The following STK32B variants were observed in gnomAD, a reference collection of about 807,000 sequenced individuals.
STK32B encodes serine/threonine-protein kinase 32B.
STK32B carries 43 observed loss-of-function variants against 52.6 expected under a neutral mutation model. That is an observed-to-expected ratio of 0.82 (90% CI 0.64 to 1.05). The LOEUF (loss-of-function observed/expected upper bound fraction) is 1.05. Ranked by LOEUF, STK32B falls within the 50% of genes least tolerant of loss-of-function variation. The pLI, the probability that STK32B is intolerant of heterozygous loss-of-function variation, is 0.00. For missense variants in STK32B, 621 were observed against 534.6 expected (o/e 1.16, Z -1.59); for synonymous variants, 238 against 204.3 (o/e 1.17, Z -1.41).
At chr4:5,368,292 T>C (rs1444447962) in intron 4 of STK32B, among the ~76,000 whole-genome samples, 1 of 129,216 alleles carries the variant, frequency 7.7e-6, no homozygotes, top group East Asian at 2.2e-4. Flanking sequence ...AGGTCTACTA[T>C]TATTCCTAAT....
intron 6 of STK32B, among the ~76,000 whole-genome samples, chr4:5,421,733 C>T (rs1439489148): frequency 1.3e-5 from 2 of 152,228 alleles, no homozygotes; most frequent in East Asian, 3.9e-4. Flanking sequence ...CTCCATGGCC[C>T]TGCTTTCAAA....
chr4:5,087,924 G>T (rs1338697944), intron 1 of STK32B, among the ~76,000 whole-genome samples: 1 of 151,888 alleles, frequency 6.6e-6, no homozygotes, highest in Non-Finnish European at 1.5e-5. Flanking sequence ...TCAAAGACTT[G>T]AACAATATAA....
At chr4:5,318,675 A>G (rs1444715714) in intron 3 of STK32B, among the ~76,000 whole-genome samples, 1 of 152,182 alleles carries the variant, frequency 6.6e-6, no homozygotes, top group African/African-American at 2.4e-5. Flanking sequence ...GTACACAGGT[A>G]TGAGAGAGAA....
At chr4:5,457,694 C>T (rs1162287522) in intron 8 of STK32B, among the ~76,000 whole-genome samples, 3 of 150,952 alleles carry the variant, frequency 2.0e-5, no homozygotes, top group Non-Finnish European at 4.4e-5. Flanking sequence ...ATGGAGAAAC[C>T]CCGTCTCTCT....
rs148471975 is a variant in STK32B at position 5,463,425 on chromosome 4, C to G, written c.909+3197C>G. Among the ~76,000 whole-genome samples, 310 of 152,242 alleles carry G rather than the reference C, an allele frequency of 2.0e-3. 2 individuals carry two copies. Among genetic ancestry groups the G allele is most frequent in the South Asian group, 0.012 (60 of 4,828 alleles). ...CTTTGCAGCACCCTGGCCTGCTGCT[C>G]CTCCTCAGCCCCTCTCCTGCACACA... On this transcript the variant is annotated intron_variant, in intron 9 of 11. Transcript: ENST00000282908.
chr4:5,311,217 G>A (rs1010664729), intron 3 of STK32B, among the ~76,000 whole-genome samples: 4 of 152,158 alleles, frequency 2.6e-5, no homozygotes, highest in Non-Finnish European at 5.9e-5. Flanking sequence ...ATACCTGGAA[G>A]AGCAGATTTT....
intron 11 of STK32B, among the ~76,000 whole-genome samples, chr4:5,483,593 T>A (rs1718902620): frequency 6.6e-6 from 1 of 152,232 alleles, no homozygotes. Context: ...TTCCTTCAGT[T>A]CTGCTCTGAT....
At chr4:5,211,303 G>A (rs1722889254) in intron 3 of STK32B, among the ~76,000 whole-genome samples, 1 of 152,122 alleles carries the variant, frequency 6.6e-6, no homozygotes, top group East Asian at 1.9e-4. Context: ...AAGAAGACAA[G>A]GCCTTCCTGG....
chr4:5,109,533 G>T (rs1560155712), intron 1 of STK32B, among the ~76,000 whole-genome samples: 1 of 152,172 alleles, frequency 6.6e-6, no homozygotes, highest in Admixed American at 6.5e-5. Context: ...CTCAGTAGAT[G>T]CAGAAAAAGC....
At chr4:5,239,252 A>G in intron 3 of STK32B, among the ~76,000 whole-genome samples, 1 of 150,852 alleles carries the variant, frequency 6.6e-6, no homozygotes, top group African/African-American at 2.5e-5. Context: ...GAACTAGCAC[A>G]GAGAGATATT....
intron 3 of STK32B, among the ~76,000 whole-genome samples, chr4:5,175,205 A>C (rs913149285): frequency 6.7e-6 from 1 of 149,742 alleles, no homozygotes; most frequent in Non-Finnish European, 1.5e-5. Flanking sequence ...CATTCGTCTA[A>C]TTTTTTTTTT....
At chr4:5,074,727 A>G (rs1297384011) in intron 1 of STK32B, among the ~76,000 whole-genome samples, 2 of 152,126 alleles carry the variant, frequency 1.3e-5, no homozygotes, top group African/African-American at 4.8e-5. Context: ...CAGATATTGT[A>G]TCTCTCAGTT....
intron 1 of STK32B, among the ~76,000 whole-genome samples, chr4:5,083,339 A>G (rs1344887982): frequency 2.0e-5 from 3 of 152,184 alleles, no homozygotes; most frequent in Non-Finnish European, 4.4e-5. Flanking sequence ...TGTTGAACAA[A>G]GTCCACTTGA....
intron 1 of STK32B, among the ~76,000 whole-genome samples, chr4:5,123,746 GA>G (rs1210820767): frequency 1.3e-5 from 2 of 152,028 alleles, no homozygotes; most frequent in Admixed American, 1.3e-4. Context: ...CCTCCTTAAA[GA>G]CCACATAAGC....
At chr4:5,242,704 G>C (rs1185092693) in intron 3 of STK32B, among the ~76,000 whole-genome samples, 2 of 151,154 alleles carry the variant, frequency 1.3e-5, no homozygotes, top group East Asian at 4.0e-4. Context: ...GGTTTTTATG[G>C]TTTTAGGTCT....
intron 3 of STK32B, among the ~76,000 whole-genome samples, chr4:5,313,479 A>G (rs1032731590): frequency 1.3e-5 from 2 of 152,104 alleles, no homozygotes; most frequent in African/African-American, 4.8e-5. Context: ...TACTACTCTT[A>G]CTTAGTAAAC....
At chr4:5,251,515 A>G (rs1173654069) in intron 3 of STK32B, among the ~76,000 whole-genome samples, 2 of 152,156 alleles carry the variant, frequency 1.3e-5, no homozygotes, top group African/African-American at 4.8e-5. Context: ...GGTAAGCATG[A>G]AGCCTCCAGT....
intron 3 of STK32B, among the ~76,000 whole-genome samples, chr4:5,263,085 T>C (rs1043390820): frequency 6.0e-5 from 9 of 150,650 alleles, no homozygotes; most frequent in African/African-American, 2.2e-4. Context: ...TAGAGCCCTC[T>C]TTCCACTAGA....
chr4:5,156,781 TATATG>T (rs1717888301), intron 2 of STK32B, among the ~76,000 whole-genome samples: 2 of 152,186 alleles, frequency 1.3e-5, no homozygotes, highest in Non-Finnish European at 2.9e-5. Flanking sequence ...GGCACAGTGT[TATATG>T]ATAATAGCTC....
Sources: allele counts gnomAD v4.1 joint callset (sites outside exome capture counted in the v4.1 genomes callset), GRCh38; gene constraint gnomAD v4.1.1; transcripts MANE v1.5; gene names NCBI Gene and HGNC (gene_info 2026-07-23, HGNC 2026-07-21).